Variants in STX1B observed in about 807,000 individuals in gnomAD.
The protein encoded by STX1B is syntaxin-1B.
STX1B carries 7 observed loss-of-function variants against 39.4 expected under a neutral mutation model. The observed-to-expected ratio is 0.18, with a 90% CI of 0.10 to 0.33. The LOEUF (loss-of-function observed/expected upper bound fraction) is 0.33, where lower values mean the gene tolerates loss of function less well. STX1B is among the 10% of genes least tolerant of loss of function. The probability of loss-of-function intolerance (pLI) is 1.00; values close to 1 mark genes in which losing one functional copy is unlikely to be tolerated. For synonymous variants in STX1B, 136 were observed against 144.1 expected, an observed-to-expected ratio of 0.94 and a Z score of 0.40; for missense variants, 198 against 383.2, an observed-to-expected ratio of 0.52 and a Z score of 4.04.
At chr16:30,994,421 CAA>C (rs543652303) in intron 7 of STX1B, among the ~76,000 whole-genome samples, 15 of 111,318 alleles carry the variant, frequency 1.3e-4, no homozygotes, top group Non-Finnish European at 7.0e-5. Flanking sequence ...TTGTTTCTAT[CAA>C]AAAAAAAAAA....
intron 1 of STX1B, among the ~76,000 whole-genome samples, chr16:31,008,848 A>C (rs897817010): frequency 2.0e-5 from 3 of 152,188 alleles, no homozygotes; most frequent in African/African-American, 4.8e-5. Context: ...ATGAGATAAC[A>C]TATATCTATA....
At position 30,992,735 on chromosome 16, in the gene STX1B, G is replaced by A; in HGVS notation, c.*86C>T. On this transcript the variant is annotated 3_prime_UTR_variant, in exon 10 of 10. Coordinates refer to ENST00000215095, the MANE Select transcript of STX1B (RefSeq NM_052874.5). ...GGTCTGTTTTGGGAGTGAGCCTGGA[G>A]CAGGGGATGGAGTGAAAGGGGTGGT... 1 of 825,000 alleles carries A rather than the reference G, an allele frequency of 1.2e-6. No individual in the cohort carries two copies. The allele number at this position is 825,000 out of a possible 1,614,324, so 51.1% of individuals were successfully genotyped here. A position where few individuals can be genotyped will look rare whatever the true frequency, so the allele number is the denominator to read the frequency against.
rs1325218148 is a variant in STX1B, at chr16:31,001,961, A to G, written c.31-358T>C. 6.6e-6 allele frequency among the ~76,000 whole-genome samples: 1 copy of G among 152,114 alleles called. No homozygotes were observed. Among genetic ancestry groups the G allele is most frequent in the African/African-American group, 2.4e-5 (1 of 41,420 alleles). On this transcript the variant is annotated intron_variant, in intron 1 of 9. Coordinates refer to ENST00000215095, the MANE Select transcript of STX1B (RefSeq NM_052874.5). The surrounding 1 kb of genome is among the most constrained non-coding windows in gnomAD (Gnocchi z 5.5). Reference sequence around the variant, plus strand: ...TGGGCTCCATGAAGGGTCCTGGACTAGAGTCCCGGGAGCCTGGATCTCCCT... The same window carrying G: ...TGGGCTCCATGAAGGGTCCTGGACTGGAGTCCCGGGAGCCTGGATCTCCCT...
chr16:30,997,062 A>T lies in STX1B; in HGVS notation c.355-3T>A. The T allele has an allele frequency of 7.7e-7, 1 of 1,294,460 alleles. No individual in the cohort carries two copies. Among genetic ancestry groups the T allele is most frequent in the South Asian group, 1.2e-5 (1 of 85,474 alleles). The allele number at this position is 1,294,460 out of a possible 1,614,324, so 80.2% of individuals were successfully genotyped here. On this transcript the variant is annotated splice_region_variant and splice_polypyrimidine_tract_variant and intron_variant, in intron 5 of 9. Coordinates refer to ENST00000215095, the MANE Select transcript of STX1B (RefSeq NM_052874.5). ...AACTTCCGGGACAGTGTGGAGTGCTACGGTGGGGGTGGGGGGACAGACGGA... is the reference window on the plus strand; with the variant it reads ...AACTTCCGGGACAGTGTGGAGTGCTTCGGTGGGGGTGGGGGGACAGACGGA...
intron 7 of STX1B, among the ~76,000 whole-genome samples, 186 bp from the exon 8 acceptor site, chr16:30,993,670 G>C (rs920539821): frequency 3.9e-5 from 6 of 152,152 alleles, no homozygotes; most frequent in African/African-American, 7.2e-5. Context: ...CACCTCACAG[G>C]GTGGTTGTGA....
intron 7 of STX1B, among the ~76,000 whole-genome samples, chr16:30,995,841 CT>C (rs1178744811): frequency 6.6e-6 from 1 of 152,022 alleles, no homozygotes; most frequent in African/African-American, 2.4e-5. Flanking sequence ...GGGACAAAAC[CT>C]AAGCAAAACT....
At chr16:31,004,500 C>G (rs1312433456) in intron 1 of STX1B, among the ~76,000 whole-genome samples, 1 of 152,074 alleles carries the variant, frequency 6.6e-6, no homozygotes, top group Non-Finnish European at 1.5e-5. Flanking sequence ...ATAGCAAGAT[C>G]ATGTCTCTAC....
At position 30,997,542 on chromosome 16, in the gene STX1B, A is replaced by G. The variant is rs1355293068; in HGVS notation, c.314T>C (p.Leu105Pro). 2.5e-6 allele frequency: 4 copies of G among 1,610,648 alleles called. No homozygotes were observed. The highest frequency in any genetic ancestry group is 2.5e-6 in the Non-Finnish European group (3 of 1,178,904). The stretch of plus-strand genomic sequence containing the variant: ...GCGCAGGTCCGCGGAGGAACGGTTC[A>G]GCCCCTCCTCCTGTTCAATGCTTTG... ...IEQSIEQEEG[L>P]NRSSADLRIR... Residue 105 changes from leucine to proline, a missense_variant, in exon 5 of 10, where the codon CTG becomes CCG. Leu to Pro is a moderately conservative substitution (Grantham distance 98, BLOSUM62 -3). Transcript: ENST00000215095.
intron 7 of STX1B, among the ~76,000 whole-genome samples, chr16:30,995,614 C>G (rs1243503884): frequency 1.3e-5 from 2 of 152,070 alleles, no homozygotes; most frequent in Non-Finnish European, 2.9e-5. Flanking sequence ...GCCTCAGCCC[C>G]CTAGTAGCTG....
chr16:31,005,718 C>T (rs2056651859), intron 1 of STX1B, among the ~76,000 whole-genome samples: 1 of 152,174 alleles, frequency 6.6e-6, no homozygotes, highest in South Asian at 2.1e-4. Context: ...CCCAAGATCA[C>T]ACAGCTGATG....
In STX1B at chr16:30,995,183, C is replaced by G. The variant is rs1303323719; in HGVS notation, c.537+1500G>C. On this transcript the variant is annotated intron_variant, in intron 7 of 9. Transcript: ENST00000215095. ...TAGAGATGGGGGTCTCACTTTGTTG[C>G]CCGGGCTGGTCTACGAACTCCTGGG... Among the ~76,000 whole-genome samples, 5 of 152,148 alleles carry G rather than the reference C, an allele frequency of 3.3e-5. No individual in the cohort carries two copies. The East Asian group carries it at 9.7e-4, about 29-fold the overall frequency.
chr16:31,009,604 C>T (rs572982060), intron 1 of STX1B, among the ~76,000 whole-genome samples: 11 of 152,060 alleles, frequency 7.2e-5, no homozygotes, highest in Admixed American at 1.3e-4. Context: ...TCCCCTGTCC[C>T]CCCAAAACCA....
chr16:30,999,280 A>C (rs1053637902), intron 4 of STX1B, among the ~76,000 whole-genome samples: 2 of 152,200 alleles, frequency 1.3e-5, no homozygotes, highest in Admixed American at 1.3e-4. Context: ...TGAGGCTCAC[A>C]TATGGCCTCC....
chr16:31,001,568 G>A lies in STX1B; in HGVS notation c.66C>T (p.His22=), dbSNP rs1228754489. The A allele has an allele frequency of 3.1e-6, 5 of 1,613,266 alleles. No individual in the cohort carries two copies. The highest frequency in any genetic ancestry group is 4.5e-5 in the East Asian group (2 of 44,894). The change falls in exon 2 of 10, where the codon CAC becomes CAT. Residue 22 remains histidine (H), a synonymous_variant. Transcript: ENST00000215095. The surrounding 1 kb of genome is among the most constrained non-coding windows in gnomAD (Gnocchi z 5.5). ...CATCCATGAAGTGGTCCCGATCCAC[G>A]TGGACCACCTCCTCTTCATCATCAC... ...KDSDDEEEVV[H]VDRDHFMDEF... is the part of the protein sequence containing the mutation.
Position 30,996,644 on chromosome 16 carries a change from A to C in STX1B, c.537+39T>G, listed in dbSNP as rs375543381. ...CCTGAACTTAGGGAGGGGAGGCAAA[A>C]ATTTTCCAAAAGCAGAGCCCGCCCC... On this transcript the variant is annotated intron_variant, in intron 7 of 9. Coordinates refer to ENST00000215095, the MANE Select transcript of STX1B (RefSeq NM_052874.5). The C allele has an allele frequency of 1.0e-4, 168 of 1,602,176 alleles. No individual in the cohort carries two copies. In the Middle Eastern group the frequency reaches 1.5e-3, roughly 14 times the overall value.
At position 30,992,036 on chromosome 16, in the gene STX1B, A is replaced by G. The variant is rs1442880890; in HGVS notation, c.*785T>C. 1.3e-5 allele frequency: 2 copies of G among 151,790 alleles called. No individual in the cohort carries two copies. The highest frequency in any genetic ancestry group is 2.9e-5 in the Non-Finnish European group (2 of 67,994). The allele number at this position is 151,790 out of a possible 1,614,324, so 9.4% of individuals were successfully genotyped here. A position where few individuals can be genotyped will look rare whatever the true frequency, so the allele number is the denominator to read the frequency against. ...CCCTCCCAAAACAGGTGTCCAGTCC[A>G]CAGTGTGGAGGGCTCTATCTGAGAA... On this transcript the variant is annotated 3_prime_UTR_variant, in exon 10 of 10. Transcript: ENST00000215095.
At position 31,010,574 on chromosome 16, in the gene STX1B, G is replaced by C; in HGVS notation, c.-178C>G. 1 of 174,070 alleles carries C rather than the reference G, an allele frequency of 5.7e-6. No individual in the cohort carries two copies. The highest frequency in any genetic ancestry group is 1.1e-5 in the Non-Finnish European group (1 of 87,238). 10.8% of individuals were successfully genotyped at this position (174,070 alleles called of 1,614,324 possible). ...CTGGCCGAGGGCCGGGCAGGGGCAG[G>C]GGCCTGGGCCGGGCTCGGCTCTGCC... On this transcript the variant is annotated 5_prime_UTR_variant, in exon 1 of 10. Transcript: ENST00000215095.
In STX1B at chr16:30,997,640, G is replaced by A. The variant is rs1596717378; in HGVS notation, c.281-65C>T. The A allele has an allele frequency of 8.2e-6, 12 of 1,465,236 alleles. No homozygotes were observed. The East Asian group carries it at 2.4e-4, about 30-fold the overall frequency. The allele number at this position is 1,465,236 out of a possible 1,614,324, so 90.8% of individuals were successfully genotyped here. A position where few individuals can be genotyped will look rare whatever the true frequency, so the allele number is the denominator to read the frequency against. On this transcript the variant is annotated intron_variant, in intron 4 of 9. Transcript: ENST00000215095. The stretch of plus-strand genomic sequence containing the variant: ...GGCACATGGGGCGAGGGTCCGGGGC[G>A]TACGAATGGTCAACACCCCGCGGCA...
At chr16:30,998,415 T>G (rs1376253040) in intron 4 of STX1B, among the ~76,000 whole-genome samples, 2 of 152,168 alleles carry the variant, frequency 1.3e-5, no homozygotes, top group Non-Finnish European at 2.9e-5. Context: ...GCTCCCCCGA[T>G]TGAGTGACAG....
Sources: gnomAD v4.1 joint callset for allele counts (sites outside exome capture counted in the v4.1 genomes callset) on GRCh38, gnomAD v4.1.1 for gene constraint, Gnocchi (gnomAD v3.1) non-coding constraint, MANE v1.5 for transcripts, NCBI Gene and HGNC (gene_info 2026-07-23, HGNC 2026-07-21) for gene names.